LGSN: variants seen among roughly 807,000 people sequenced by gnomAD.
LGSN encodes the protein lengsin, lens protein with glutamine synthetase domain.
Under a neutral mutation model 19.5 loss-of-function variants are expected in LGSN, and 21 were observed. That is an observed-to-expected ratio of 1.07 (90% CI 0.76 to 1.55). The LOEUF (loss-of-function observed/expected upper bound fraction) is 1.55, where lower values mean the gene tolerates loss of function less well. Among genes scored for constraint, LGSN ranks in the 40% most tolerant of loss-of-function variants. The probability of loss-of-function intolerance (pLI) is 0.00; values close to 1 mark genes in which losing one functional copy is unlikely to be tolerated. For synonymous variants in LGSN, 257 were observed against 215.6 expected (o/e 1.19, Z -1.68); for missense variants, 673 against 608.5 (o/e 1.11, Z -1.12).
At chr6:63,448,621 T>A in the LGSN span, among the ~76,000 whole-genome samples, 1 of 152,162 alleles carries the variant, frequency 6.6e-6, no homozygotes, top group Non-Finnish European at 1.5e-5. Context: ...GTTAACAAAT[T>A]TGGTCCAGTT....
chr6:63,441,390 T>C, the LGSN span: 4 of 463,334 alleles, frequency 8.6e-6, no homozygotes, highest in South Asian at 7.5e-5. Context: ...TTTGCTCAGC[T>C]GAAGAACCTG....
chr6:63,412,473 AG>A, the LGSN span, among the ~76,000 whole-genome samples: 62 of 122,178 alleles, frequency 5.1e-4, no homozygotes, highest in African/African-American at 2.0e-3. Context: ...AAAAAGAGAG[AG>A]AAGAAAGAGA....
the LGSN span, among the ~76,000 whole-genome samples, chr6:63,411,670 G>A: frequency 6.6e-6 from 1 of 151,992 alleles, no homozygotes; most frequent in East Asian, 1.9e-4. Flanking sequence ...CAGACTCTGA[G>A]TCTACAAAAA....
the LGSN span, among the ~76,000 whole-genome samples, chr6:63,473,251 T>C: frequency 6.6e-6 from 1 of 151,714 alleles, no homozygotes; most frequent in Non-Finnish European, 1.5e-5. Context: ...GGTGGGCTGA[T>C]TGCCTGAGCT....
At chr6:63,570,219 T>C in the LGSN span, among the ~76,000 whole-genome samples, 2 of 152,116 alleles carry the variant, frequency 1.3e-5, no homozygotes, top group East Asian at 3.9e-4. Context: ...TAATCCCAGC[T>C]ACTTGGGAGG....
the LGSN span, among the ~76,000 whole-genome samples, chr6:63,465,039 A>C: frequency 6.6e-6 from 1 of 151,548 alleles, no homozygotes; most frequent in Non-Finnish European, 1.5e-5. Flanking sequence ...AAAAAAAAAA[A>C]AAAACTTCCT....
the LGSN span, among the ~76,000 whole-genome samples, chr6:63,566,582 T>G: frequency 6.6e-6 from 1 of 152,308 alleles, no homozygotes; most frequent in South Asian, 2.1e-4. Context: ...TTAAAAATAC[T>G]TTTGCTAAAA....
chr6:63,313,710 C>T (rs1229403856), intron 1 of LGSN, among the ~76,000 whole-genome samples: 2 of 151,994 alleles, frequency 1.3e-5, no homozygotes, highest in Non-Finnish European at 2.9e-5. Context: ...GTGGTGCACG[C>T]CTGTAATCCC....
chr6:63,434,381 A>G, the LGSN span, among the ~76,000 whole-genome samples: 3 of 149,694 alleles, frequency 2.0e-5, no homozygotes, highest in Non-Finnish European at 3.0e-5. Context: ...TGGAGGTTGC[A>G]GTGAGCCGAG....
chr6:63,441,387 A>T, the LGSN span: 6 of 467,034 alleles, frequency 1.3e-5, no homozygotes, highest in Non-Finnish European at 2.1e-5. Flanking sequence ...AGCTTTGCTC[A>T]GCTGAAGAAC....
chr6:63,276,735 G>C lies in LGSN; in HGVS notation c.*3286C>G, dbSNP rs1582010684. The C allele has an allele frequency of 6.6e-6, 1 of 152,158 alleles. No homozygotes were observed. The highest frequency in any genetic ancestry group is 6.6e-5 in the Admixed American group (1 of 15,266). 9.4% of individuals were successfully genotyped at this position (152,158 alleles called of 1,614,324 possible). A position where few individuals can be genotyped will look rare whatever the true frequency, so the allele number is the denominator to read the frequency against. On this transcript the variant is annotated 3_prime_UTR_variant, in exon 4 of 4. Coordinates refer to ENST00000370657, the MANE Select transcript of LGSN (RefSeq NM_016571.3). ...CTAGTATGATGGCTCCCAGCTGAAG[G>C]CTTAGCACACAAATGGTGCTCAATA...
At chr6:63,401,497 T>C in the LGSN span, among the ~76,000 whole-genome samples, 1 of 152,054 alleles carries the variant, frequency 6.6e-6, no homozygotes, top group Admixed American at 6.5e-5. Context: ...CATCACAAGA[T>C]GTCCATTAAT....
the LGSN span, among the ~76,000 whole-genome samples, chr6:63,492,910 A>G: frequency 1.3e-5 from 2 of 152,226 alleles, no homozygotes; most frequent in Admixed American, 6.5e-5. Context: ...ATTCTGTCTC[A>G]TAAAGCTGAG....
chr6:63,406,821 C>T, the LGSN span, among the ~76,000 whole-genome samples: 9,797 of 149,158 alleles, frequency 0.066, 562 homozygotes, highest in African/African-American at 0.16. Flanking sequence ...ATCAAATAGA[C>T]GCAATAAAAA....
the LGSN span, among the ~76,000 whole-genome samples, chr6:63,520,282 G>A: frequency 6.6e-6 from 1 of 152,044 alleles, no homozygotes; most frequent in African/African-American, 2.4e-5. Context: ...TGGCCTTCAG[G>A]AGATCTATCA....
chr6:63,342,960 G>T, the LGSN span, among the ~76,000 whole-genome samples: 1 of 152,144 alleles, frequency 6.6e-6, no homozygotes, highest in Non-Finnish European at 1.5e-5. Context: ...CTGCTTTTGA[G>T]TTGAAAGTTT....
the LGSN span, among the ~76,000 whole-genome samples, chr6:63,460,207 C>G: frequency 6.8e-6 from 1 of 146,620 alleles, no homozygotes; most frequent in Non-Finnish European, 1.5e-5. Context: ...ATTCACCTGC[C>G]TCAGCCTCCC....
chr6:63,405,434 T>C, the LGSN span, among the ~76,000 whole-genome samples: 1 of 152,158 alleles, frequency 6.6e-6, no homozygotes, highest in East Asian at 1.9e-4. Context: ...AGTGTAAAAG[T>C]GTTCCTATTT....
At chr6:63,439,787 C>T in the LGSN span, among the ~76,000 whole-genome samples, 1 of 152,188 alleles carries the variant, frequency 6.6e-6, no homozygotes, top group Non-Finnish European at 1.5e-5. Flanking sequence ...CCCACTGCAT[C>T]ATTTGTCAAA....
Sources: allele counts gnomAD v4.1 joint callset (sites outside exome capture counted in the v4.1 genomes callset), GRCh38; gene constraint gnomAD v4.1.1; transcripts MANE v1.5; gene names NCBI Gene and HGNC (gene_info 2026-07-23, HGNC 2026-07-21).